Variants in AFAP1 observed in about 807,000 individuals in gnomAD.
AFAP1 encodes actin filament-associated protein 1.
Under a neutral mutation model 93.9 loss-of-function variants are expected in AFAP1, and 75 were observed. That is an observed-to-expected ratio of 0.80 (90% CI 0.66 to 0.97). The LOEUF (loss-of-function observed/expected upper bound fraction) is 0.97, where lower values mean the gene tolerates loss of function less well. Among genes scored for constraint, AFAP1 ranks in the 50% least tolerant of loss-of-function variants. AFAP1 has a pLI of 0.00. For missense variants in AFAP1, 1,201 were observed against 1,050.8 expected (o/e 1.14, Z -1.98); for synonymous variants, 517 against 430.7 (o/e 1.20, Z -2.48).
At chr4:7,877,530 A>G (rs1166611786) in intron 1 of AFAP1, among the ~76,000 whole-genome samples, 1 of 152,176 alleles carries the variant, frequency 6.6e-6, no homozygotes, top group Non-Finnish European at 1.5e-5. Flanking sequence ...ACGTACTGTT[A>G]TTATCCCCGT....
chr4:7,849,231 G>A (rs2149129514), intron 4 of AFAP1, among the ~76,000 whole-genome samples: 1 of 152,276 alleles, frequency 6.6e-6, no homozygotes, highest in Admixed American at 6.5e-5. Flanking sequence ...CTTTTCAGAG[G>A]GAGGGGAGAG....
intron 12 of AFAP1, among the ~76,000 whole-genome samples, chr4:7,783,811 G>C (rs929612349): frequency 6.6e-6 from 1 of 152,238 alleles, no homozygotes; most frequent in African/African-American, 2.4e-5. Context: ...TCACAGGTTC[G>C]TGTGTAAGGC....
chr4:7,873,643 C>G (rs1401896704), intron 1 of AFAP1, among the ~76,000 whole-genome samples: 1 of 151,966 alleles, frequency 6.6e-6, no homozygotes, highest in Non-Finnish European at 1.5e-5. Context: ...CCACCACACC[C>G]GACCAACACA....
chr4:7,846,387 G>A (rs764492322), intron 4 of AFAP1, among the ~76,000 whole-genome samples: 1 of 152,234 alleles, frequency 6.6e-6, no homozygotes, highest in Admixed American at 6.5e-5. Context: ...AATATGGAAC[G>A]AGAAGATGGG....
intron 1 of AFAP1, among the ~76,000 whole-genome samples, chr4:7,896,113 G>T (rs956064801): frequency 4.2e-4 from 64 of 152,082 alleles, no homozygotes; most frequent in African/African-American, 1.3e-3. Context: ...CGCCCGCCTC[G>T]GCCTCCCAAA....
Position 7,761,174 on chromosome 4 carries a change from T to C in AFAP1, c.*2591A>G, listed in dbSNP as rs1346489980. The C allele has an allele frequency of 2.0e-5, 3 of 152,252 alleles. No individual in the cohort carries two copies. Among genetic ancestry groups the C allele is most frequent in the Non-Finnish European group, 2.9e-5 (2 of 68,044 alleles). 9.4% of individuals were successfully genotyped at this position (152,252 alleles called of 1,614,324 possible). A position where few individuals can be genotyped will look rare whatever the true frequency, so the allele number is the denominator to read the frequency against. On this transcript the variant is annotated 3_prime_UTR_variant, in exon 18 of 18. Transcript: ENST00000420658. ...TTAAAAACTATATTTATTGAACATA[T>C]ACACATAAATAACTTATTCTGAAGT...
rs570221522 is a variant in AFAP1 at position 7,792,910 on chromosome 4, G to A, written c.1412+771C>T. 2.2e-4 allele frequency among the ~76,000 whole-genome samples: 34 copies of A among 152,192 alleles called. No individual in the cohort carries two copies. The South Asian group carries it at 5.4e-3, about 24-fold the overall frequency. Reference sequence around the variant, plus strand: ...TGGCAGTGACAATGATTATTCATACGGCGAAGGGCGACTATTGGTGCGAAG... The same window carrying A: ...TGGCAGTGACAATGATTATTCATACAGCGAAGGGCGACTATTGGTGCGAAG... On this transcript the variant is annotated intron_variant, in intron 11 of 17. Coordinates refer to ENST00000420658, the MANE Select transcript of AFAP1 (RefSeq NM_001134647.2).
Position 7,939,603 on chromosome 4 carries a change from G to T in AFAP1, c.-3+53C>A, listed in dbSNP as rs1427142616. 11 of 407,702 alleles carry T rather than the reference G, an allele frequency of 2.7e-5. No individual in the cohort carries two copies. The highest frequency in any genetic ancestry group is 2.2e-4 in the African/African-American group (10 of 45,434). 25.3% of individuals were successfully genotyped at this position (407,702 alleles called of 1,614,324 possible). A position where few individuals can be genotyped will look rare whatever the true frequency, so the allele number is the denominator to read the frequency against. On this transcript the variant is annotated intron_variant, in intron 1 of 17. Coordinates refer to ENST00000420658, the MANE Select transcript of AFAP1 (RefSeq NM_001134647.2). This position sits in a 1 kb window ranked among gnomAD's most constrained non-coding sequence, Gnocchi z 5.6. Reference sequence around the variant, plus strand: ...CCCCGCTCGGAGCTTCCACGCCCGGGGCAGAGACCCCCGCCGGGTCCGGAG... The same window carrying T: ...CCCCGCTCGGAGCTTCCACGCCCGGTGCAGAGACCCCCGCCGGGTCCGGAG...
chr4:7,933,788 A>G (rs1271920933), intron 1 of AFAP1, among the ~76,000 whole-genome samples: 1 of 152,148 alleles, frequency 6.6e-6, no homozygotes, highest in African/African-American at 2.4e-5. Flanking sequence ...ACAAGGAACT[A>G]TATTTGGCCA....
At chr4:7,844,565 G>A (rs1267010471) in intron 4 of AFAP1, among the ~76,000 whole-genome samples, 1 of 152,218 alleles carries the variant, frequency 6.6e-6, no homozygotes, top group Non-Finnish European at 1.5e-5. Flanking sequence ...CCCCACTGCA[G>A]GCTGTAAGCC....
At chr4:7,831,654 G>A (rs999848984) in intron 6 of AFAP1, among the ~76,000 whole-genome samples, 7 of 152,182 alleles carry the variant, frequency 4.6e-5, no homozygotes, top group African/African-American at 1.7e-4. Flanking sequence ...AGCAAGAAGG[G>A]GGCTGCTCTT....
At chr4:7,895,401 T>TA (rs1453143858) in intron 1 of AFAP1, among the ~76,000 whole-genome samples, 1 of 148,992 alleles carries the variant, frequency 6.7e-6, no homozygotes, top group Non-Finnish European at 1.5e-5. Flanking sequence ...AAAGATTTTT[T>TA]TAAAAAAAGC....
At chr4:7,828,765 G>A (rs1049123958) in intron 6 of AFAP1, among the ~76,000 whole-genome samples, 1 of 152,162 alleles carries the variant, frequency 6.6e-6, no homozygotes, top group Non-Finnish European at 1.5e-5. Flanking sequence ...CAGAGGCACT[G>A]AGAAGTCACA....
At chr4:7,894,654 C>CAAGTGTGT (rs1343539576) in intron 1 of AFAP1, among the ~76,000 whole-genome samples, 2 of 152,200 alleles carry the variant, frequency 1.3e-5, no homozygotes, top group African/African-American at 4.8e-5. Flanking sequence ...ACTGTGTTGG[C>CAAGTGTGT]TCCTTCTATA....
rs555985759 is a variant in AFAP1 at position 7,832,759 on chromosome 4, A to G, written c.726+5765T>C. On this transcript the variant is annotated intron_variant, in intron 6 of 17. Coordinates refer to ENST00000420658, the MANE Select transcript of AFAP1 (RefSeq NM_001134647.2). ...GCATCACATTACCTGATTTCAAACTACAGTATAAGGCCATAGTCATCAAAA... is the reference window on the plus strand; with the variant it reads ...GCATCACATTACCTGATTTCAAACTGCAGTATAAGGCCATAGTCATCAAAA... Among the ~76,000 whole-genome samples, 6 of 152,290 alleles carry G rather than the reference A, an allele frequency of 3.9e-5. No homozygotes were observed. The East Asian group carries it at 1.2e-3, about 29-fold the overall frequency.
At chr4:7,869,427 TCAATAAATTTTTATTAAG>T (rs1383760877) in intron 2 of AFAP1, among the ~76,000 whole-genome samples, 36 of 152,322 alleles carry the variant, frequency 2.4e-4, no homozygotes, top group African/African-American at 8.2e-4. Context: ...TTCCTGGGAA[TCAATAAATTTTTATTAAG>T]TATCTTCTTA....
At chr4:7,790,940 G>A (rs1395798007) in intron 11 of AFAP1, among the ~76,000 whole-genome samples, 2 of 152,198 alleles carry the variant, frequency 1.3e-5, no homozygotes, top group South Asian at 2.1e-4. Context: ...TTAGCTGGGT[G>A]TATGTAACAT....
At chr4:7,872,595 G>A (rs1717142811) in intron 1 of AFAP1, among the ~76,000 whole-genome samples, 1 of 152,164 alleles carries the variant, frequency 6.6e-6, no homozygotes, top group Admixed American at 6.5e-5. Flanking sequence ...ACAAGTTCAG[G>A]TGCTGAATTC....
chr4:7,801,942 A>G lies in AFAP1; in HGVS notation c.1055-1289T>C, dbSNP rs961269133. ...AAAAAAAAAAAAAAAAAAAAAAAAA[A>G]CTAATCAATTAAAATGCCTTTCCAA... On this transcript the variant is annotated intron_variant, in intron 9 of 17. Transcript: ENST00000420658. Among the ~76,000 whole-genome samples the G allele has an allele frequency of 2.1e-5, 3 of 140,244 alleles. No individual in the cohort carries two copies. In the East Asian group the frequency reaches 6.2e-4, roughly 29 times the overall value. 92.0% of individuals were successfully genotyped at this position (140,244 alleles called of 152,430 possible).
Sources: allele counts gnomAD v4.1 joint callset (sites outside exome capture counted in the v4.1 genomes callset), GRCh38; gene constraint gnomAD v4.1.1; non-coding constraint Gnocchi (gnomAD v3.1); transcripts MANE v1.5; gene names NCBI Gene and HGNC (gene_info 2026-07-23, HGNC 2026-07-21).